The following CALN1 variants were observed in gnomAD, a reference collection of about 807,000 sequenced individuals.
The protein encoded by CALN1 is calneuron 1, also known as calcium-binding protein 8.
In CALN1, 17 loss-of-function variants were observed where a neutral mutation model predicts 30.6. The observed-to-expected ratio is 0.56, with a 90% CI of 0.38 to 0.83. The LOEUF is 0.83. Among genes scored for constraint, CALN1 ranks in the 40% least tolerant of loss-of-function variants. The pLI is 0.00. For missense variants in CALN1, 291 were observed against 354.9 expected (o/e 0.82, Z 1.45); for synonymous variants, 156 against 131.4 (o/e 1.19, Z -1.28).
At chr7:72,281,772 G>A (rs1274755243) in intron 2 of CALN1, among the ~76,000 whole-genome samples, 1 of 152,120 alleles carries the variant, frequency 6.6e-6, no homozygotes, top group African/African-American at 2.4e-5. Flanking sequence ...GTTGTCTGCA[G>A]CTTTGGATTC....
chr7:71,810,014 C>T (rs558398168), intron 6 of CALN1, among the ~76,000 whole-genome samples: 3 of 152,132 alleles, frequency 2.0e-5, no homozygotes, highest in East Asian at 3.9e-4. Flanking sequence ...CTCTTTGCAC[C>T]GCCCCATGCA....
intron 2 of CALN1, chr7:72,336,784 GGAGGGGGCGGTGCGGAATGGATGCGCC>G (rs1393077641): frequency 2.7e-5 from 27 of 985,148 alleles, no homozygotes; most frequent in Middle Eastern, 5.2e-4. Context: ...AGGCCCGCAG[GGAGGGGGCGGTGCGGAATGGATGCGCC>G]GAGCGGGCAG....
chr7:71,827,834 T>G (rs551772849), intron 5 of CALN1, among the ~76,000 whole-genome samples: 1 of 150,706 alleles, frequency 6.6e-6, no homozygotes. Flanking sequence ...GAAAGTCACA[T>G]TGAGAAGGTG....
intron 5 of CALN1, among the ~76,000 whole-genome samples, chr7:71,993,906 G>A (rs1306010313): frequency 6.6e-6 from 1 of 152,110 alleles, no homozygotes; most frequent in Admixed American, 6.5e-5. Flanking sequence ...GAACCTGCAA[G>A]AGATGAACTG....
At chr7:71,993,769 T>C (rs2129528030) in intron 5 of CALN1, among the ~76,000 whole-genome samples, 1 of 152,114 alleles carries the variant, frequency 6.6e-6, no homozygotes, top group Non-Finnish European at 1.5e-5. Flanking sequence ...AGGATATAAA[T>C]ATTAACAGGA....
intron 2 of CALN1, among the ~76,000 whole-genome samples, chr7:72,289,881 C>A (rs1436258470): frequency 1.3e-5 from 2 of 151,686 alleles, no homozygotes; most frequent in Non-Finnish European, 2.9e-5. Flanking sequence ...GAGTTCAAGA[C>A]CAGCTGGGCA....
intron 2 of CALN1, among the ~76,000 whole-genome samples, chr7:72,367,311 G>T (rs905663242): frequency 5.9e-5 from 9 of 151,800 alleles, no homozygotes; most frequent in Non-Finnish European, 8.8e-5. Flanking sequence ...ACACAGCAAG[G>T]CCCTGTCTCT....
chr7:72,382,603 T>TC lies in CALN1; in HGVS notation c.119+20647dup, dbSNP rs1463315594. On this transcript the variant is annotated intron_variant, in intron 2 of 6. Coordinates refer to ENST00000395275, the MANE Select transcript of CALN1 (RefSeq NM_031468.4). ...ACCCAATAGGAAGTTTCTCAACCCT[T>TC]CCCCACCTCCCTCCCTTTCTCCTCT... Among the ~76,000 whole-genome samples the TC allele has an allele frequency of 4.6e-5, 7 of 152,280 alleles. No individual in the cohort carries two copies. The East Asian group carries it at 1.2e-3, about 25-fold the overall frequency.
At chr7:72,497,913 G>T in the CALN1 span, among the ~76,000 whole-genome samples, 1 of 152,194 alleles carries the variant, frequency 6.6e-6, no homozygotes, top group Admixed American at 6.5e-5. Flanking sequence ...ATACATTAAA[G>T]TTTTACAGAA....
chr7:72,350,804 A>T lies in CALN1; in HGVS notation c.119+52447T>A, dbSNP rs112492079. ...TAAAAGTTAAAAAAAAATAAATAAA[A>T]AAAATACTGAGAATTTCCTAATCAG... On this transcript the variant is annotated intron_variant, in intron 2 of 6. Transcript: ENST00000395275. Among the ~76,000 whole-genome samples the T allele has an allele frequency of 4.8e-3, 738 of 152,330 alleles. 4 individuals carry two copies. The highest frequency in any genetic ancestry group is 0.013 in the African/African-American group (530 of 41,574).
rs144087524 is a variant in CALN1, at chr7:71,890,959, C to T, written c.502-80467G>A. On this transcript the variant is annotated intron_variant, in intron 5 of 6. Coordinates refer to ENST00000395275, the MANE Select transcript of CALN1 (RefSeq NM_031468.4). The stretch of plus-strand genomic sequence containing the variant: ...ACAGGGCTTTGCTATTTTGTTCAGC[C>T]TAGTTGCGAACTCCTGGGCTCAAGC... Among the ~76,000 whole-genome samples, 212 of 152,084 alleles carry T rather than the reference C, an allele frequency of 1.4e-3. No individual in the cohort carries two copies. The East Asian group carries it at 0.019, about 14-fold the overall frequency.
intron 2 of CALN1, among the ~76,000 whole-genome samples, chr7:72,293,843 T>TC: frequency 6.6e-6 from 1 of 152,228 alleles, no homozygotes; most frequent in African/African-American, 2.4e-5. Context: ...ACACCTGTAA[T>TC]CCCAGCACTT....
rs1406615719 is a variant in CALN1, at chr7:72,422,392, T to C, written c.-225-10117A>G. On this transcript the variant is annotated intron_variant, in intron 1 of 6. Transcript: ENST00000395276. ...TCCCCGGTGATTAGTGATGTTGAGA[T>C]TTTTGAGTAACCACAAGCCCCCCTG... is the stretch of plus-strand genomic sequence containing the variant. Among the ~76,000 whole-genome samples, 4 of 152,198 alleles carry C rather than the reference T, an allele frequency of 2.6e-5. No individual in the cohort carries two copies. In the East Asian group the frequency reaches 7.7e-4, roughly 29 times the overall value.
At chr7:72,306,791 C>G (rs1371173351) in intron 2 of CALN1, among the ~76,000 whole-genome samples, 2 of 152,014 alleles carry the variant, frequency 1.3e-5, no homozygotes, top group Non-Finnish European at 2.9e-5. Flanking sequence ...ATGTATAAAA[C>G]TAAGCTGTGC....
chr7:72,308,992 T>C (rs1799855092), intron 2 of CALN1, among the ~76,000 whole-genome samples: 2 of 152,216 alleles, frequency 1.3e-5, no homozygotes, highest in African/African-American at 4.8e-5. Context: ...TGTTAAGTAA[T>C]GTCTCAGTTA....
intron 5 of CALN1, among the ~76,000 whole-genome samples, chr7:71,851,208 A>AACACACACACACACACAC (rs56041427): frequency 7.3e-4 from 97 of 132,168 alleles, no homozygotes; most frequent in Non-Finnish European, 1.2e-3. Context: ...CCTTGTCTCA[A>AACACACACACACACACAC]ACACACACAC....
intron 3 of CALN1, among the ~76,000 whole-genome samples, chr7:72,262,403 G>A (rs1796325460): frequency 6.6e-6 from 1 of 152,024 alleles, no homozygotes; most frequent in Non-Finnish European, 1.5e-5. Flanking sequence ...TAGTTACATG[G>A]ATATATTGCA....
intron 5 of CALN1, among the ~76,000 whole-genome samples, chr7:71,842,225 CAA>C (rs1302159803): frequency 6.6e-6 from 1 of 152,144 alleles, no homozygotes; most frequent in Non-Finnish European, 1.5e-5. Flanking sequence ...CCCAATGTGA[CAA>C]TGGAGAATTG....
At chr7:72,157,888 C>T (rs1585058292) in intron 3 of CALN1, among the ~76,000 whole-genome samples, 1 of 152,116 alleles carries the variant, frequency 6.6e-6, no homozygotes, top group Non-Finnish European at 1.5e-5. Flanking sequence ...GGATTACAGG[C>T]ACCCGCCACC....
Sources: allele counts gnomAD v4.1 joint callset (sites outside exome capture counted in the v4.1 genomes callset), GRCh38; gene constraint gnomAD v4.1.1; transcripts MANE v1.5; gene names NCBI Gene and HGNC (gene_info 2026-07-23, HGNC 2026-07-21).